ZBTB25: variants seen among roughly 807,000 people sequenced by gnomAD.
ZBTB25 encodes zinc finger and BTB domain containing 25.
In ZBTB25, 20 loss-of-function variants were observed where a neutral mutation model predicts 34.2. The ratio of observed to expected loss-of-function variants is 0.58; its 90% CI spans 0.41 to 0.85. ZBTB25 has a LOEUF of 0.85. Among genes scored for constraint, ZBTB25 ranks in the 40% least tolerant of loss-of-function variants. The pLI, the probability that ZBTB25 is intolerant of heterozygous loss-of-function variation, is 0.00. For synonymous variants in ZBTB25, 175 were observed against 186.4 expected (o/e 0.94, Z 0.50); for missense variants, 437 against 521.8 (o/e 0.84, Z 1.58).
At chr14:64,456,600 A>G (rs2078477821) in intron 2 of ZBTB25, among the ~76,000 whole-genome samples, 1 of 152,196 alleles carries the variant, frequency 6.6e-6, no homozygotes. Context: ...CCCGTCTACA[A>G]CAATGGGCAT....
chr14:64,503,287 G>A (rs1462218912), intron 1 of ZBTB25: 2 of 985,450 alleles, frequency 2.0e-6, no homozygotes, highest in Admixed American at 6.1e-5. Context: ...TCGCCCGCTC[G>A]TAAGAGGGGT....
At chr14:64,471,192 G>C (rs1254254299) in intron 2 of ZBTB25, 1 of 144,086 alleles carries the variant, frequency 6.9e-6, no homozygotes, top group African/African-American at 2.7e-5. Context: ...TCACTCTGTC[G>C]CCCAGGCTGG....
chr14:64,477,482 C>T (rs1375027306), downstream of ZBTB25, among the ~76,000 whole-genome samples: 1 of 152,164 alleles, frequency 6.6e-6, no homozygotes, highest in Admixed American at 6.5e-5. Flanking sequence ...CACCACCAGA[C>T]AGCACACATG....
chr14:64,454,933 T>G, intron 2 of ZBTB25: 1 of 1,573,714 alleles, frequency 6.4e-7, no homozygotes, highest in East Asian at 2.2e-5. Context: ...CTGAAGTGTG[T>G]TGCCGAAACC....
intron 2 of ZBTB25, chr14:64,458,643 T>C (rs79790885): frequency 2.6e-6 from 1 of 382,924 alleles, no homozygotes; most frequent in African/African-American, 2.1e-5. Flanking sequence ...GGGTTCAGAG[T>C]TGATGACACA....
chr14:64,449,770 T>C, intron 2 of ZBTB25: 6 of 889,366 alleles, frequency 6.7e-6, no homozygotes, highest in Non-Finnish European at 1.1e-5. Flanking sequence ...AACCACAGCC[T>C]GGACTCCCAG....
chr14:64,463,649 A>C (rs1381980270), intron 2 of ZBTB25, among the ~76,000 whole-genome samples: 1 of 149,606 alleles, frequency 6.7e-6, no homozygotes, highest in Non-Finnish European at 1.5e-5. Flanking sequence ...AAAGAAGAAG[A>C]ACCTGGGCAT....
chr14:64,490,354 T>A lies in ZBTB25; in HGVS notation c.173+7A>T, dbSNP rs1166491598. ...AAAAATTCTTATTTACAAAAACACA[T>A]CCTTACCTTGTTTGGTGAATAAATA... On this transcript the variant is annotated splice_region_variant and intron_variant, in intron 2 of 2. Coordinates refer to ENST00000608382, the MANE Select transcript of ZBTB25 (RefSeq NM_006977.5). 2.5e-6 allele frequency: 4 copies of A among 1,569,788 alleles called. No individual in the cohort carries two copies. In the East Asian group the frequency reaches 9.1e-5, roughly 36 times the overall value.
At chr14:64,498,250 G>C (rs1339205255) in intron 1 of ZBTB25, among the ~76,000 whole-genome samples, 2 of 151,820 alleles carry the variant, frequency 1.3e-5, no homozygotes, top group African/African-American at 4.8e-5. Flanking sequence ...TGATGTCTGA[G>C]TCCCAACCCA....
chr14:64,470,617 C>T (rs1300981416), intron 2 of ZBTB25: 1 of 161,822 alleles, frequency 6.2e-6, no homozygotes, highest in African/African-American at 2.5e-5. Context: ...AAAAGAGAAC[C>T]ATTCACAAAT....
downstream of ZBTB25, among the ~76,000 whole-genome samples, chr14:64,475,211 G>A (rs1010939717): frequency 1.3e-5 from 2 of 152,164 alleles, no homozygotes; most frequent in African/African-American, 2.4e-5. Flanking sequence ...AGGCCGAGGC[G>A]GGCGGATCAC....
intron 2 of ZBTB25, chr14:64,472,964 T>C (rs2078690229): frequency 1.2e-5 from 2 of 167,098 alleles, no homozygotes; most frequent in Non-Finnish European, 2.9e-5. Context: ...ATTTATTTAT[T>C]AGCCAAAATT....
chr14:64,471,919 T>C lies in ZBTB25; in HGVS notation c.173+18442A>G, dbSNP rs145434363. 6.0e-5 allele frequency: 10 copies of C among 166,654 alleles called. No homozygotes were observed. The East Asian group carries it at 1.9e-3, about 32-fold the overall frequency. 10.3% of individuals were successfully genotyped at this position (166,654 alleles called of 1,614,324 possible). On this transcript the variant is annotated intron_variant, in intron 2 of 2. Coordinates refer to the ZBTB25 transcript ENST00000555220. ...TATTGAGACCTCTAACAAAAGAAAC[T>C]AATCTGACTTGGAAATTGAACCAAA... is the stretch of plus-strand genomic sequence containing the variant.
chr14:64,489,452 C>T (rs1303623805), intron 2 of ZBTB25, among the ~76,000 whole-genome samples: 1 of 152,026 alleles, frequency 6.6e-6, no homozygotes, highest in African/African-American at 2.4e-5. Flanking sequence ...GAAATAGGGA[C>T]AGCAGTAGAA....
chr14:64,481,866 T>C lies in ZBTB25; in HGVS notation c.*5057A>G, dbSNP rs1219000768. ...ATTAATAATTTAAGTGCCACAAATCTATATGTAGTTCAAAATATACAAAGA... is the reference window on the plus strand; with the variant it reads ...ATTAATAATTTAAGTGCCACAAATCCATATGTAGTTCAAAATATACAAAGA... On this transcript the variant is annotated 3_prime_UTR_variant, in exon 3 of 3. Transcript: ENST00000608382. 1.3e-5 allele frequency: 2 copies of C among 152,232 alleles called. No individual in the cohort carries two copies. The highest frequency in any genetic ancestry group is 2.9e-5 in the Non-Finnish European group (2 of 68,042). 9.4% of individuals were successfully genotyped at this position (152,232 alleles called of 1,614,324 possible).
In ZBTB25 at chr14:64,480,702, C is replaced by T. The variant is rs892902263; in HGVS notation, c.*6221G>A. ...CTGTCGCCAGGCTGGAGTGCAGTGGCGCAATCTCGGCTCACTGCAACCTCC... is the reference window on the plus strand; with the variant it reads ...CTGTCGCCAGGCTGGAGTGCAGTGGTGCAATCTCGGCTCACTGCAACCTCC... On this transcript the variant is annotated 3_prime_UTR_variant, in exon 3 of 3. Transcript: ENST00000608382. 11 of 153,032 alleles carry T rather than the reference C, an allele frequency of 7.2e-5. No individual in the cohort carries two copies. The highest frequency in any genetic ancestry group is 1.3e-4 in the Non-Finnish European group (9 of 68,592). 9.5% of individuals were successfully genotyped at this position (153,032 alleles called of 1,614,324 possible).
chr14:64,489,769 T>A (rs552608274), intron 2 of ZBTB25, among the ~76,000 whole-genome samples: 128 of 151,358 alleles, frequency 8.5e-4, no homozygotes, highest in Middle Eastern at 3.4e-3. Flanking sequence ...CTCCTGACCT[T>A]GTGATCCGCC....
chr14:64,489,705 T>A (rs2079009741), intron 2 of ZBTB25, among the ~76,000 whole-genome samples: 1 of 151,498 alleles, frequency 6.6e-6, no homozygotes, highest in African/African-American at 2.4e-5. Context: ...CTGGCTAATT[T>A]TTGTATTTTT....
chr14:64,462,038 A>G (rs920555364), intron 2 of ZBTB25: 42 of 152,230 alleles, frequency 2.8e-4, no homozygotes, highest in African/African-American at 1.0e-3. Context: ...TAGGTTTCCT[A>G]ATATCGCCAA....
Sources: allele counts gnomAD v4.1 joint callset (sites outside exome capture counted in the v4.1 genomes callset), GRCh38; gene constraint gnomAD v4.1.1; transcripts MANE v1.5; gene names NCBI Gene and HGNC (gene_info 2026-07-23, HGNC 2026-07-21).